The following IQGAP2 variants were observed in gnomAD, a reference collection of about 807,000 sequenced individuals.
IQGAP2 encodes IQ motif containing GTPase activating protein 2.
Under a neutral mutation model 201.3 loss-of-function variants are expected in IQGAP2, and 173 were observed. The observed-to-expected ratio is 0.86, with a 90% confidence interval of 0.76 to 0.98. The LOEUF is 0.98. IQGAP2 is among the 50% of genes least tolerant of loss of function. The pLI, the probability that IQGAP2 is intolerant of heterozygous loss-of-function variation, is 0.00. For synonymous variants in IQGAP2, 675 were observed against 673.9 expected (o/e 1.00, Z -0.03); for missense variants, 1,687 against 1,864.8 (o/e 0.90, Z 1.76).
intron 1 of IQGAP2, among the ~76,000 whole-genome samples, chr5:76,406,839 A>T (rs549688006): frequency 1.6e-4 from 24 of 152,234 alleles, no homozygotes; most frequent in Non-Finnish European, 3.2e-4. Flanking sequence ...TACAAGATTC[A>T]GAGCCTTCCT....
chr5:76,436,091 G>A (rs905551645), intron 1 of IQGAP2, among the ~76,000 whole-genome samples: 20 of 152,004 alleles, frequency 1.3e-4, no homozygotes, highest in African/African-American at 4.6e-4. Flanking sequence ...TTTACTGAAC[G>A]CATTTTTCAA....
intron 12 of IQGAP2, chr5:76,606,713 A>C (rs1256188179): frequency 6.6e-6 from 1 of 152,568 alleles, no homozygotes; most frequent in Non-Finnish European, 1.5e-5. Context: ...AACACGATCT[A>C]ACTGTTGCTT....
chr5:76,409,793 G>A (rs1165692139), intron 1 of IQGAP2, among the ~76,000 whole-genome samples: 1 of 152,148 alleles, frequency 6.6e-6, no homozygotes, highest in East Asian at 1.9e-4. Context: ...GCCGACCTGT[G>A]AGCTGATACT....
At chr5:76,510,034 C>G (rs1048495221) in intron 2 of IQGAP2, among the ~76,000 whole-genome samples, 10 of 142,342 alleles carry the variant, frequency 7.0e-5, no homozygotes, top group Non-Finnish European at 1.3e-4. Flanking sequence ...TAGTCTCACT[C>G]TGTCACCCAG....
intron 1 of IQGAP2, among the ~76,000 whole-genome samples, chr5:76,432,927 T>C (rs7732454): frequency 0.74 from 112,091 of 152,136 alleles, 44,403 homozygotes; most frequent in Non-Finnish European, 0.89. Flanking sequence ...TTATTTCCCC[T>C]GCTCCCTCCT....
chr5:76,472,817 T>C (rs944633412), intron 2 of IQGAP2, among the ~76,000 whole-genome samples: 9 of 152,230 alleles, frequency 5.9e-5, no homozygotes, highest in African/African-American at 9.6e-5. Context: ...TCCCAAAGTT[T>C]ATATTTGTTT....
At chr5:76,570,805 A>G in intron 4 of IQGAP2, 148 bp downstream of exon 4, 3 of 627,264 alleles carry the variant, frequency 4.8e-6, no homozygotes, top group Non-Finnish European at 8.5e-6. Context: ...GACCTATCCA[A>G]AGTAACATAT....
intron 1 of IQGAP2, among the ~76,000 whole-genome samples, chr5:76,439,720 A>G (rs181334362): frequency 6.6e-6 from 1 of 151,724 alleles, no homozygotes; most frequent in Non-Finnish European, 1.5e-5. Context: ...TCACTCCTTT[A>G]CATTGAGTTT....
chr5:76,410,925 T>C (rs1751073046), intron 1 of IQGAP2, among the ~76,000 whole-genome samples: 1 of 152,216 alleles, frequency 6.6e-6, no homozygotes, highest in Non-Finnish European at 1.5e-5. Context: ...TAATCGTGTA[T>C]TGTGTATGAC....
rs75272955 is a variant in IQGAP2 at position 76,427,400 on chromosome 5, T to C, written c.46+23809T>C. ...TTAAAATGAAATACCCTCACTTTCA[T>C]GCTCTTGGATTTGGCTTTGAAATAA... On this transcript the variant is annotated intron_variant, in intron 1 of 35. Transcript: ENST00000274364. Among the ~76,000 whole-genome samples, 917 of 152,322 alleles carry C rather than the reference T, an allele frequency of 6.0e-3. 7 individuals are homozygous for C. Among genetic ancestry groups the C allele is most frequent in the African/African-American group, 0.019 (809 of 41,580 alleles).
At chr5:76,636,547 C>T (rs752097033) in intron 15 of IQGAP2, among the ~76,000 whole-genome samples, 1 of 152,154 alleles carries the variant, frequency 6.6e-6, no homozygotes, top group Non-Finnish European at 1.5e-5. Flanking sequence ...CTTTGAGTAA[C>T]GTTGTCTCCA....
rs528006736 is a variant in IQGAP2 at position 76,698,208 on chromosome 5, T to C, written c.4367+61T>C. ...CATGATTTCTATGAGATGTCAATTCTGTGTTTCTAGGCAGTTGGGTTGGGT... is the reference window on the plus strand; with the variant it reads ...CATGATTTCTATGAGATGTCAATTCCGTGTTTCTAGGCAGTTGGGTTGGGT... On this transcript the variant is annotated intron_variant, in intron 33 of 35. Coordinates refer to ENST00000274364, the MANE Select transcript of IQGAP2 (RefSeq NM_006633.5). The C allele has an allele frequency of 4.5e-6, 6 of 1,344,800 alleles. No homozygotes were observed. In the South Asian group the frequency reaches 5.4e-5, roughly 12 times the overall value. 83.3% of individuals were successfully genotyped at this position (1,344,800 alleles called of 1,614,324 possible).
intron 2 of IQGAP2, among the ~76,000 whole-genome samples, chr5:76,513,381 C>T (rs1194690285): frequency 1.3e-5 from 2 of 152,204 alleles, no homozygotes; most frequent in Non-Finnish European, 1.5e-5. Context: ...GCCACCAAAA[C>T]ACCACTCTTG....
rs868032507 is a variant in IQGAP2 at position 76,681,532 on chromosome 5, T to A, written c.3661-1583T>A. ...CAGTAGGATGATTAATATCAAAATTTAAAAAAAAAAAAACAGAAAATAAGT... is the reference window on the plus strand; with the variant it reads ...CAGTAGGATGATTAATATCAAAATTAAAAAAAAAAAAAACAGAAAATAAGT... On this transcript the variant is annotated intron_variant, in intron 28 of 35. Coordinates refer to ENST00000274364, the MANE Select transcript of IQGAP2 (RefSeq NM_006633.5). Among the ~76,000 whole-genome samples, 317 of 141,896 alleles carry A rather than the reference T, an allele frequency of 2.2e-3. 9 individuals are homozygous for A. Among genetic ancestry groups the A allele is most frequent in the Admixed American group, 0.018 (251 of 14,210 alleles). 93.1% of individuals were successfully genotyped at this position (141,896 alleles called of 152,430 possible).
At chr5:76,707,096 T>C in intron 35 of IQGAP2, 104 bp from the exon 36 acceptor site, 1 of 672,014 alleles carries the variant, frequency 1.5e-6, no homozygotes, top group Non-Finnish European at 2.7e-6. Context: ...ACCCAGGTGA[T>C]TAGGTCAATT....
intron 1 of IQGAP2, among the ~76,000 whole-genome samples, chr5:76,452,419 T>C (rs2150116515): frequency 6.6e-6 from 1 of 152,264 alleles, no homozygotes; most frequent in Non-Finnish European, 1.5e-5. Context: ...CAGCCCTTGT[T>C]TTTTCTTTTG....
At chr5:76,678,311 A>T (rs1580798978) in intron 28 of IQGAP2, among the ~76,000 whole-genome samples, 1 of 152,168 alleles carries the variant, frequency 6.6e-6, no homozygotes, top group African/African-American at 2.4e-5. Flanking sequence ...GCATGCAGAC[A>T]TCACTGCCGT....
chr5:76,510,597 C>T (rs1757902977), intron 2 of IQGAP2: 3 of 497,216 alleles, frequency 6.0e-6, no homozygotes, highest in African/African-American at 3.9e-5. Flanking sequence ...GACAGTGTGC[C>T]ATCGATGTCC....
At chr5:76,665,718 T>C (rs1210336609) in intron 22 of IQGAP2, among the ~76,000 whole-genome samples, 3 of 152,214 alleles carry the variant, frequency 2.0e-5, no homozygotes, top group South Asian at 2.1e-4. Context: ...TCTAAATGAA[T>C]AGTAATTTTC....
Sources: gnomAD v4.1 joint callset for allele counts (sites outside exome capture counted in the v4.1 genomes callset) on GRCh38, gnomAD v4.1.1 for gene constraint, MANE v1.5 for transcripts, NCBI Gene and HGNC (gene_info 2026-07-23, HGNC 2026-07-21) for gene names.